The following ODF1 variants were observed in gnomAD, a reference collection of about 807,000 sequenced individuals.
ODF1 encodes the protein outer dense fiber of sperm tails 1.
In ODF1, 10 loss-of-function variants were observed where a neutral mutation model predicts 24.0. The observed-to-expected ratio is 0.42, with a 90% CI of 0.26 to 0.71. The LOEUF (loss-of-function observed/expected upper bound fraction) is 0.71. ODF1 is among the 30% of genes least tolerant of loss of function. The probability of loss-of-function intolerance (pLI) is 0.28; values close to 1 mark genes in which losing one functional copy is unlikely to be tolerated. For missense variants in ODF1, 282 were observed against 307.9 expected, an observed-to-expected ratio of 0.92 and a Z score of 0.63; for synonymous variants, 118 against 121.3, an observed-to-expected ratio of 0.97 and a Z score of 0.18.
In ODF1 at chr8:102,551,812, G is replaced by A. The variant is rs769951903; in HGVS notation, c.85G>A (p.Asp29Asn). The change falls in exon 1 of 2, where the codon GAC becomes AAC. Residue 29 changes from aspartate (D) to asparagine (N), a missense_variant. Coordinates refer to ENST00000285402, the MANE Select transcript of ODF1 (RefSeq NM_024410.4). ...AGAACTAAGGCAACTGAGATGCATC[G>A]ACGAATTTAGCACACGGTGCCTGTG... is the stretch of plus-strand genomic sequence containing the variant. ...DRELRQLRCI[D>N]EFSTRCLCDL... 6.8e-6 allele frequency: 11 copies of A among 1,613,990 alleles called. No homozygotes were observed. The highest frequency in any genetic ancestry group is 3.3e-5 in the Admixed American group (2 of 59,996).
intron 1 of ODF1, among the ~76,000 whole-genome samples, chr8:102,558,371 A>G (rs540409052): frequency 3.9e-5 from 6 of 152,206 alleles, no homozygotes; most frequent in Admixed American, 2.0e-4. Flanking sequence ...GGAGAATGGC[A>G]TGAACCTGGG....
chr8:102,559,058 A>T (rs1306658788), intron 1 of ODF1, among the ~76,000 whole-genome samples: 1 of 151,508 alleles, frequency 6.6e-6, no homozygotes, highest in African/African-American at 2.4e-5. Flanking sequence ...GCAAAAAAAA[A>T]AAAAAGAAAA....
At chr8:102,554,923 A>G (rs1011205322) in intron 1 of ODF1, among the ~76,000 whole-genome samples, 4 of 152,068 alleles carry the variant, frequency 2.6e-5, no homozygotes, top group African/African-American at 9.7e-5. Context: ...ATGCCACTAC[A>G]CTCCAGCCTG....
Position 102,551,832 on chromosome 8 carries a change from C to A in ODF1, c.105C>A (p.Cys35Ter). Residue 35 changes from cysteine to a stop codon, truncating the protein, a stop_gained, in exon 1 of 2, where the codon TGC becomes TGA. Transcript: ENST00000285402. LOFTEE classifies it high-confidence loss of function. ...GCATCGACGAATTTAGCACACGGTG[C>A]CTGTGCGACTTGTATATGCACCCCT... is the stretch of plus-strand genomic sequence containing the variant. ...LRCIDEFSTRCLCDLYMHPYC... is the reference protein window; with the variant it reads ...LRCIDEFSTR 6.2e-7 allele frequency: 1 copy of A among 1,614,168 alleles called. No homozygotes were observed. The highest frequency in any genetic ancestry group is 8.5e-7 in the Non-Finnish European group (1 of 1,180,042).
At chr8:102,557,961 A>G (rs528766369) in intron 1 of ODF1, among the ~76,000 whole-genome samples, 4 of 152,302 alleles carry the variant, frequency 2.6e-5, no homozygotes, top group Non-Finnish European at 5.9e-5. Flanking sequence ...GGTTCCCTGA[A>G]TCTTTGTGAG....
At chr8:102,560,222 G>T (rs1401222729) in intron 1 of ODF1, among the ~76,000 whole-genome samples, 2 of 147,578 alleles carry the variant, frequency 1.4e-5, no homozygotes, top group African/African-American at 5.4e-5. Context: ...GATTTGGAAG[G>T]GCAGGCAGCA....
At chr8:102,555,544 T>C (rs1826101764) in intron 1 of ODF1, among the ~76,000 whole-genome samples, 1 of 152,216 alleles carries the variant, frequency 6.6e-6, no homozygotes, top group Non-Finnish European at 1.5e-5. Context: ...TTCAAAAATC[T>C]GCCTTCTCAT....
At chr8:102,557,307 C>G (rs1467797372) in intron 1 of ODF1, among the ~76,000 whole-genome samples, 1 of 152,180 alleles carries the variant, frequency 6.6e-6, no homozygotes, top group East Asian at 1.9e-4. Context: ...AGTCAAATTG[C>G]AAGTTCAGAG....
Position 102,551,791 on chromosome 8 carries a change from C to A in ODF1, c.64C>A (p.Leu22Ile). Residue 22 changes from leucine (L) to isoleucine (I), a missense_variant, in exon 1 of 2, where the codon CTA becomes ATA. Transcript: ENST00000285402. Reference protein sequence around the residue: ...RRDIKKVDRELRQLRCIDEFS... With the variant: ...RRDIKKVDREIRQLRCIDEFS... ...GGACATAAAGAAGGTGGACAGAGAA[C>A]TAAGGCAACTGAGATGCATCGACGA... 6.2e-7 allele frequency: 1 copy of A among 1,614,078 alleles called. No individual in the cohort carries two copies. Among genetic ancestry groups the A allele is most frequent in the Non-Finnish European group, 8.5e-7 (1 of 1,179,962 alleles).
chr8:102,552,475 A>T (rs1826053660), intron 1 of ODF1, among the ~76,000 whole-genome samples: 1 of 152,148 alleles, frequency 6.6e-6, no homozygotes, highest in African/African-American at 2.4e-5. Context: ...AATGTGTGCC[A>T]GAGGCTTTAC....
At chr8:102,554,572 A>G (rs1826088841) in intron 1 of ODF1, among the ~76,000 whole-genome samples, 2 of 152,166 alleles carry the variant, frequency 1.3e-5, no homozygotes, top group African/African-American at 4.8e-5. Context: ...CAATTTCTTA[A>G]TTGATCCCAC....
At chr8:102,557,413 G>A (rs1826125256) in intron 1 of ODF1, among the ~76,000 whole-genome samples, 1 of 152,246 alleles carries the variant, frequency 6.6e-6, no homozygotes, top group South Asian at 2.1e-4. Context: ...AGAAAAAGAA[G>A]TATGATCTGG....
intron 1 of ODF1, 147 bp from the exon 2 acceptor site, chr8:102,560,305 C>G: frequency 1.4e-6 from 1 of 719,304 alleles, no homozygotes; most frequent in Admixed American, 2.7e-5. Context: ...CTTTTTACTT[C>G]ATGCATTTGT....
chr8:102,559,721 C>G (rs546368285), intron 1 of ODF1, among the ~76,000 whole-genome samples: 1 of 151,592 alleles, frequency 6.6e-6, no homozygotes, highest in South Asian at 2.1e-4. Context: ...TCACACAACA[C>G]CAGCCTGGGC....
chr8:102,552,449 A>G (rs1414905934), intron 1 of ODF1, among the ~76,000 whole-genome samples: 1 of 152,140 alleles, frequency 6.6e-6, no homozygotes, highest in Non-Finnish European at 1.5e-5. Flanking sequence ...AAGTAATAAT[A>G]ATAGATCAAA....
chr8:102,560,192 G>A (rs1223818398), intron 1 of ODF1, among the ~76,000 whole-genome samples: 1 of 148,554 alleles, frequency 6.7e-6, no homozygotes, highest in Non-Finnish European at 1.5e-5. Flanking sequence ...AGGAGGAGCT[G>A]GTATTTCAAT....
Position 102,551,972 on chromosome 8 carries a change from G to C in ODF1, c.245G>C (p.Cys82Ser). 1.9e-6 allele frequency: 3 copies of C among 1,613,896 alleles called. No individual in the cohort carries two copies. The highest frequency in any genetic ancestry group is 2.5e-6 in the Non-Finnish European group (3 of 1,179,794). Residue 82 changes from cysteine (C) to serine (S), a missense_variant, in exon 1 of 2, where the codon TGT becomes TCT. Transcript: ENST00000285402. ...TGCCTGTGTGATTATAAGCTTTACT[G>C]TCTGCGACCATCTCTCAGAAGTTTG... ...PCCLCDYKLYCLRPSLRSLER... is the reference protein window; with the variant it reads ...PCCLCDYKLYSLRPSLRSLER...
At chr8:102,553,244 G>C (rs1230869629) in intron 1 of ODF1, among the ~76,000 whole-genome samples, 1 of 150,550 alleles carries the variant, frequency 6.6e-6, no homozygotes, top group Non-Finnish European at 1.5e-5. Context: ...AAGCGTAGTG[G>C]CACGTGCCTG....
At chr8:102,555,196 G>A (rs2511706) in intron 1 of ODF1, among the ~76,000 whole-genome samples, 128,076 of 152,032 alleles carry the variant, frequency 0.84, 54,252 homozygotes, top group Middle Eastern at 0.88. Context: ...TTCCTTTGTC[G>A]GAAGCCATGC....
Sources: gnomAD v4.1 joint callset for allele counts (sites outside exome capture counted in the v4.1 genomes callset) on GRCh38, gnomAD v4.1.1 for gene constraint, MANE v1.5 for transcripts, NCBI Gene and HGNC (gene_info 2026-07-23, HGNC 2026-07-21) for gene names.